The following AGBL4 variants were observed in gnomAD, a reference collection of about 807,000 sequenced individuals.
AGBL4 encodes the protein cytosolic carboxypeptidase 6.
Under a neutral mutation model 66.4 loss-of-function variants are expected in AGBL4, and 58 were observed. The ratio of observed to expected loss-of-function variants is 0.87; its 90% CI spans 0.71 to 1.09. AGBL4 has a LOEUF of 1.09. Among genes scored for constraint, AGBL4 ranks in the 50% least tolerant of loss-of-function variants. The pLI, the probability that AGBL4 is intolerant of heterozygous loss-of-function variation, is 0.00. For synonymous variants in AGBL4, 234 were observed against 222.9 expected, an observed-to-expected ratio of 1.05 and a Z score of -0.44; for missense variants, 579 against 631.0, an observed-to-expected ratio of 0.92 and a Z score of 0.88.
At chr1:48,571,328 C>T (rs1644559816) in intron 11 of AGBL4, among the ~76,000 whole-genome samples, 1 of 152,218 alleles carries the variant, frequency 6.6e-6, no homozygotes, top group South Asian at 2.1e-4. Flanking sequence ...TTTGCCTGAC[C>T]CTGCACCACT....
chr1:48,980,880 C>T (rs1051663126), intron 5 of AGBL4, among the ~76,000 whole-genome samples: 2 of 151,052 alleles, frequency 1.3e-5, no homozygotes, highest in African/African-American at 4.9e-5. Flanking sequence ...TGCTAATATT[C>T]TATTTGAATG....
At chr1:49,680,144 A>T (rs1001524344) in intron 3 of AGBL4, among the ~76,000 whole-genome samples, 1 of 139,484 alleles carries the variant, frequency 7.2e-6, no homozygotes, top group African/African-American at 2.7e-5. Context: ...TCTGCCTCCC[A>T]GGTTCAAGAG....
At chr1:49,977,112 T>A (rs1257310382) in intron 1 of AGBL4, among the ~76,000 whole-genome samples, 1 of 152,258 alleles carries the variant, frequency 6.6e-6, no homozygotes, top group Non-Finnish European at 1.5e-5. Context: ...ATGAAGATAT[T>A]ATTTTCCTTA....
At chr1:49,983,223 A>G (rs961150842) in intron 1 of AGBL4, among the ~76,000 whole-genome samples, 2 of 152,194 alleles carry the variant, frequency 1.3e-5, no homozygotes, top group Non-Finnish European at 2.9e-5. Context: ...AGGAGCCCAG[A>G]CTTAGGAGCT....
intron 1 of AGBL4, among the ~76,000 whole-genome samples, chr1:49,870,823 A>C (rs1396287764): frequency 6.6e-6 from 1 of 152,130 alleles, no homozygotes; most frequent in Non-Finnish European, 1.5e-5. Flanking sequence ...TTATAAAAAA[A>C]ATTAAACAAA....
chr1:48,843,494 A>T (rs1646849174), intron 6 of AGBL4, among the ~76,000 whole-genome samples: 2 of 152,154 alleles, frequency 1.3e-5, no homozygotes, highest in African/African-American at 4.8e-5. Flanking sequence ...TATGGCCCAT[A>T]AGCTAAAATG....
At chr1:48,939,229 A>T (rs1262393695) in intron 5 of AGBL4, among the ~76,000 whole-genome samples, 1 of 152,254 alleles carries the variant, frequency 6.6e-6, no homozygotes, top group South Asian at 2.1e-4. Context: ...AAAGGAGTTA[A>T]CTATTTGCTA....
chr1:49,289,392 CA>C (rs1279689346), intron 3 of AGBL4, among the ~76,000 whole-genome samples: 4 of 152,058 alleles, frequency 2.6e-5, no homozygotes, highest in Admixed American at 6.5e-5. Flanking sequence ...AGAAACCAGA[CA>C]AGCCAGACAC....
chr1:48,935,958 GAAAAAAAAAAAAAAAAAA>G (rs71056686), intron 5 of AGBL4, among the ~76,000 whole-genome samples: 468 of 24,596 alleles, frequency 0.019, 5 homozygotes, highest in Non-Finnish European at 0.031. Flanking sequence ...GACTCTGTCT[GAAAAAAAAAAAAAAAAAA>G]AAAAAAAAAA....
chr1:48,973,044 G>A (rs773135051), intron 5 of AGBL4, among the ~76,000 whole-genome samples: 1 of 152,132 alleles, frequency 6.6e-6, no homozygotes, highest in Non-Finnish European at 1.5e-5. Flanking sequence ...AGTGTGTAGT[G>A]TGTGCAAGTG....
chr1:49,862,353 CAA>C (rs59447912), intron 1 of AGBL4, among the ~76,000 whole-genome samples: 2,474 of 137,600 alleles, frequency 0.018, 41 homozygotes, highest in African/African-American at 0.046. Context: ...ATATAGGAGA[CAA>C]AAAAAAAAAA....
At chr1:49,598,841 T>C (rs966607856) in intron 3 of AGBL4, among the ~76,000 whole-genome samples, 1 of 152,222 alleles carries the variant, frequency 6.6e-6, no homozygotes, top group African/African-American at 2.4e-5. Flanking sequence ...AGGCCTTTTC[T>C]GCATCTATTG....
chr1:49,992,582 A>C (rs1419161208), intron 1 of AGBL4, among the ~76,000 whole-genome samples: 1 of 151,790 alleles, frequency 6.6e-6, no homozygotes, highest in African/African-American at 2.4e-5. Context: ...ACATCTATTT[A>C]GGATTCCTGA....
At chr1:49,487,031 C>T (rs950864028) in intron 3 of AGBL4, among the ~76,000 whole-genome samples, 2 of 151,860 alleles carry the variant, frequency 1.3e-5, no homozygotes, top group African/African-American at 4.8e-5. Context: ...CAAAGATGTT[C>T]CACTCAGCAT....
intron 1 of AGBL4, among the ~76,000 whole-genome samples, chr1:49,974,548 A>C (rs983581753): frequency 2.0e-5 from 3 of 152,184 alleles, no homozygotes; most frequent in African/African-American, 7.2e-5. Context: ...CTGCATTTTT[A>C]AAAATCAAAG....
At position 49,302,294 on chromosome 1, in the gene AGBL4, G is replaced by A. The variant is rs557340053; in HGVS notation, c.283-56430C>T. On this transcript the variant is annotated intron_variant, in intron 3 of 13. Coordinates refer to ENST00000371839, the MANE Select transcript of AGBL4 (RefSeq NM_032785.4). ...CTGAGGCGTAGTCTCACTCTGTAGT[G>A]CAAGCTAGAGTGCAATGGCGCAATC... Among the ~76,000 whole-genome samples, 6 of 149,892 alleles carry A rather than the reference G, an allele frequency of 4.0e-5. No homozygotes were observed. In the South Asian group the frequency reaches 1.3e-3, roughly 32 times the overall value.
chr1:48,758,760 AG>A (rs1314768872), intron 6 of AGBL4: 12 of 689,914 alleles, frequency 1.7e-5, no homozygotes, highest in Non-Finnish European at 2.7e-5. Flanking sequence ...CTCTTCCTTG[AG>A]GTAACTGGTA....
chr1:49,237,179 A>G (rs1236397017), intron 4 of AGBL4, among the ~76,000 whole-genome samples: 1 of 151,204 alleles, frequency 6.6e-6, no homozygotes. Context: ...AGGAGAATGG[A>G]GTGAACCTGG....
At chr1:49,020,809 A>T (rs1663188327) in intron 5 of AGBL4, among the ~76,000 whole-genome samples, 1 of 152,224 alleles carries the variant, frequency 6.6e-6, no homozygotes, top group African/African-American at 2.4e-5. Flanking sequence ...AGGATGTAAC[A>T]GAAAATCCTA....
Sources: gnomAD v4.1 joint callset for allele counts (sites outside exome capture counted in the v4.1 genomes callset) on GRCh38, gnomAD v4.1.1 for gene constraint, MANE v1.5 for transcripts, NCBI Gene and HGNC (gene_info 2026-07-23, HGNC 2026-07-21) for gene names.